The following IL1RL1 variants were observed in gnomAD, a reference collection of about 807,000 sequenced individuals.
The protein encoded by IL1RL1 is interleukin 1 receptor like 1, also known as interleukin-1 receptor-like 1.
IL1RL1 carries 32 observed loss-of-function variants against 50.9 expected under a neutral mutation model. The observed-to-expected ratio is 0.63, with a 90% CI of 0.47 to 0.84. IL1RL1 has a LOEUF of 0.84. IL1RL1 is among the 40% of genes least tolerant of loss of function. IL1RL1 has a pLI of 0.00. For missense variants in IL1RL1, 773 were observed against 662.9 expected (o/e 1.17, Z -1.82); for synonymous variants, 275 against 236.0 (o/e 1.17, Z -1.51).
intron 1 of IL1RL1, among the ~76,000 whole-genome samples, chr2:102,336,650 C>A (rs1258352470): frequency 1.4e-5 from 2 of 147,994 alleles, no homozygotes; most frequent in African/African-American, 5.3e-5. Context: ...TCACACTCTC[C>A]TTCTCTTTCT....
chr2:102,351,582 C>T lies in IL1RL1; in HGVS notation c.1332C>T (p.His444=). 5.0e-6 allele frequency: 8 copies of T among 1,614,102 alleles called. No homozygotes were observed. The highest frequency in any genetic ancestry group is 6.8e-6 in the Non-Finnish European group (8 of 1,179,964). ...CCAACATACGAAAGAGCAGGCGGCA[C>T]ATTTTCATCCTGACCCCTCAGATCA... is the stretch of plus-strand genomic sequence containing the variant. ...VETNIRKSRR[H]IFILTPQITH... Residue 444 remains histidine (H), a synonymous_variant, in exon 11 of 11, where the codon CAC becomes CAT. Coordinates refer to ENST00000233954, the MANE Select transcript of IL1RL1 (RefSeq NM_016232.5).
At chr2:102,336,576 C>G (rs552533147) in intron 1 of IL1RL1, among the ~76,000 whole-genome samples, 2 of 152,126 alleles carry the variant, frequency 1.3e-5, no homozygotes, top group South Asian at 2.1e-4. Context: ...GTTTGTTTTA[C>G]CTGGAGCCCT....
intron 8 of IL1RL1, among the ~76,000 whole-genome samples, chr2:102,347,605 C>A (rs971527889): frequency 6.6e-6 from 1 of 152,212 alleles, no homozygotes; most frequent in Non-Finnish European, 1.5e-5. Flanking sequence ...GAGGCCTCCT[C>A]CTCCTCCAGG....
rs149593692 is a variant in IL1RL1, at chr2:102,351,806, A to T, written c.1556A>T (p.Asn519Ile). Residue 519 changes from asparagine (N) to isoleucine (I), a missense_variant, in exon 11 of 11, where the codon AAT (asparagine) becomes ATT (isoleucine). Coordinates refer to ENST00000233954, the MANE Select transcript of IL1RL1 (RefSeq NM_016232.5). ...TIKWREDHIA[N>I]KRSLNSKFWK... ...AAGTGGAGGGAGGACCACATTGCCA[A>T]TAAAAGGTCCCTGAATTCTAAATTC... 295 of 1,614,094 alleles carry T rather than the reference A, an allele frequency of 1.8e-4. 1 individual carries two copies. In the African/African-American group the frequency reaches 3.4e-3, roughly 18 times the overall value.
intron 1 of IL1RL1, among the ~76,000 whole-genome samples, chr2:102,326,536 C>T (rs1677004299): frequency 6.6e-6 from 1 of 152,070 alleles, no homozygotes; most frequent in South Asian, 2.1e-4. Context: ...CTAAGTGCTC[C>T]AATTAAAAGA....
chr2:102,347,921 A>G (rs778690244), intron 8 of IL1RL1, 24 bp from the exon 9 acceptor site: 15 of 1,367,100 alleles, frequency 1.1e-5, no homozygotes, highest in Non-Finnish European at 1.5e-5. Context: ...TAGTAATAAT[A>G]ATCTTTTTCT....
intron 1 of IL1RL1, among the ~76,000 whole-genome samples, chr2:102,329,361 T>C (rs567870299): frequency 6.6e-6 from 1 of 152,140 alleles, no homozygotes; most frequent in African/African-American, 2.4e-5. Flanking sequence ...AAGACTGAAA[T>C]TTTAGACCTA....
At chr2:102,335,846 G>A (rs1365335849) in intron 1 of IL1RL1, among the ~76,000 whole-genome samples, 4 of 152,110 alleles carry the variant, frequency 2.6e-5, no homozygotes, top group African/African-American at 9.7e-5. Context: ...TTGCAGACTC[G>A]CTGGCTCCTG....
intron 8 of IL1RL1, among the ~76,000 whole-genome samples, chr2:102,346,624 G>A (rs963019757): frequency 7.9e-5 from 12 of 152,210 alleles, no homozygotes; most frequent in African/African-American, 2.9e-4. Context: ...TTTAGAGAGA[G>A]AGTGACCTGG....
At chr2:102,320,366 T>G (rs760695815) in intron 1 of IL1RL1, among the ~76,000 whole-genome samples, 17 of 152,080 alleles carry the variant, frequency 1.1e-4, no homozygotes, top group Non-Finnish European at 2.5e-4. Context: ...TGTTTTACAG[T>G]GAAAATCAGA....
intron 5 of IL1RL1, chr2:102,341,483 AG>A: frequency 3.0e-6 from 1 of 336,836 alleles, no homozygotes; most frequent in Non-Finnish European, 4.5e-6. Context: ...CCTTAGCACA[AG>A]TCGATCTACA....
chr2:102,320,872 T>C (rs886924945), intron 1 of IL1RL1, among the ~76,000 whole-genome samples: 3 of 152,208 alleles, frequency 2.0e-5, no homozygotes, highest in African/African-American at 7.2e-5. Context: ...ATTCAGAGTG[T>C]TTAATACCTA....
Position 102,343,253 on chromosome 2 carries a change from A to G in IL1RL1, c.825-17A>G, listed in dbSNP as rs781076436. On this transcript the variant is annotated splice_polypyrimidine_tract_variant and intron_variant, in intron 7 of 10. Coordinates refer to ENST00000233954, the MANE Select transcript of IL1RL1 (RefSeq NM_016232.5). ...ACCTGCAAAGTAGGCATTAAAAGTA[A>G]CAGGTTGCTTTCTTAGTTTCAGCAA... 4 of 1,614,218 alleles carry G rather than the reference A, an allele frequency of 2.5e-6. No homozygotes were observed. Among genetic ancestry groups the G allele is most frequent in the Non-Finnish European group, 3.4e-6 (4 of 1,180,014 alleles).
chr2:102,332,812 G>A (rs1001638544), intron 1 of IL1RL1, among the ~76,000 whole-genome samples: 5 of 150,798 alleles, frequency 3.3e-5, no homozygotes, highest in African/African-American at 1.2e-4. Context: ...TTTATGTTAT[G>A]TAAATTTCAG....
At chr2:102,325,420 C>CTG (rs1415893004) in intron 1 of IL1RL1, among the ~76,000 whole-genome samples, 1 of 152,114 alleles carries the variant, frequency 6.6e-6, no homozygotes, top group Non-Finnish European at 1.5e-5. Context: ...AGCAGAAAAA[C>CTG]TGGAAACTCT....
At chr2:102,342,834 A>T (rs1677622570) in intron 6 of IL1RL1, among the ~76,000 whole-genome samples, 1 of 152,066 alleles carries the variant, frequency 6.6e-6, no homozygotes, top group African/African-American at 2.4e-5. Context: ...TGAGCTTCAA[A>T]CCCAGCTGGG....
rs757400158 is a variant in IL1RL1 at position 102,351,840 on chromosome 2, C to T, written c.1590C>T (p.His530=). The T allele has an allele frequency of 1.8e-5, 29 of 1,613,790 alleles. 1 individual carries two copies. Among genetic ancestry groups the T allele is most frequent in the South Asian group, 1.8e-4 (16 of 91,090 alleles). The change falls in exon 11 of 11, where the codon CAC becomes CAT. Residue 530 remains histidine, a synonymous_variant. Transcript: ENST00000233954. The stretch of plus-strand genomic sequence containing the variant: ...CCCTGAATTCTAAATTCTGGAAGCA[C>T]GTGAGGTACCAAATGCCTGTGCCAA... The part of the protein sequence containing the change: ...KRSLNSKFWK[H]VRYQMPVPSK...
chr2:102,314,184 A>G (rs1299935774), intron 1 of IL1RL1, among the ~76,000 whole-genome samples: 1 of 152,222 alleles, frequency 6.6e-6, no homozygotes, highest in Non-Finnish European at 1.5e-5. Flanking sequence ...TAAGACTGCT[A>G]TGTGCCAGAC....
At position 102,339,035 on chromosome 2, in the gene IL1RL1, G is replaced by A. The variant is rs369779260; in HGVS notation, c.260G>A (p.Cys87Tyr). The A allele has an allele frequency of 3.1e-6, 5 of 1,611,232 alleles. No homozygotes were observed. The African/African-American group carries it at 4.0e-5, about 13-fold the overall frequency. Residue 87 changes from cysteine to tyrosine, a missense_variant, in exon 3 of 11, where the codon TGT becomes TAT. Physicochemically the swap from Cys to Tyr is radical, Grantham distance 194. Transcript: ENST00000233954. ...AAVADSGIYT[C>Y]IVRSPTFNRT... The stretch of plus-strand genomic sequence containing the variant: ...GTTGCTGATTCTGGTATTTATACCT[G>A]TATTGTCAGAAGGTATTATGCAGAA...
Sources: gnomAD v4.1 joint callset for allele counts (sites outside exome capture counted in the v4.1 genomes callset) on GRCh38, gnomAD v4.1.1 for gene constraint, MANE v1.5 for transcripts, NCBI Gene and HGNC (gene_info 2026-07-23, HGNC 2026-07-21) for gene names.